Variants in EIF3J observed in about 807,000 individuals in gnomAD.
EIF3J encodes eukaryotic translation initiation factor 3, subunit 1 (alpha, 35kD).
In EIF3J, 15 loss-of-function variants were observed where a neutral mutation model predicts 39.0. The observed-to-expected ratio is 0.38, with a 90% CI of 0.26 to 0.59. The LOEUF is 0.59. EIF3J is among the 20% of genes least tolerant of loss of function. The pLI is 0.60. For missense variants in EIF3J, 226 were observed against 308.6 expected (o/e 0.73, Z 2.00); for synonymous variants, 98 against 112.9 (o/e 0.87, Z 0.84).
intron 2 of EIF3J, among the ~76,000 whole-genome samples, chr15:44,549,181 G>T (rs1395035859): frequency 6.6e-6 from 1 of 150,608 alleles, no homozygotes; most frequent in Non-Finnish European, 1.5e-5. Context: ...ATCACCTGAG[G>T]TTGGGAGTTC....
chr15:44,554,695 G>GTAA, intron 5 of EIF3J, 28 bp downstream of exon 5: 1 of 1,458,224 alleles, frequency 6.9e-7, no homozygotes, highest in South Asian at 1.2e-5. Flanking sequence ...TTGCAATACA[G>GTAA]TATTAAACTG....
chr15:44,541,456 T>G (rs550298717), intron 2 of EIF3J, among the ~76,000 whole-genome samples: 36 of 152,318 alleles, frequency 2.4e-4, no homozygotes, highest in Admixed American at 2.2e-3. Flanking sequence ...GGCAAGAGGA[T>G]TGCGTGAGCC....
chr15:44,556,737 C>G (rs1323323379), intron 5 of EIF3J, among the ~76,000 whole-genome samples: 2 of 152,110 alleles, frequency 1.3e-5, no homozygotes, highest in African/African-American at 2.4e-5. Context: ...CTCTCGGACT[C>G]CTGACCTCAG....
Position 44,554,596 on chromosome 15 carries a change from A to G in EIF3J, c.338A>G (p.Gln113Arg), listed in dbSNP as rs754775504. The G allele has an allele frequency of 8.1e-6, 13 of 1,612,824 alleles. 1 individual carries two copies. The East Asian group carries it at 2.9e-4, about 36-fold the overall frequency. ...EEPKVLTPEE[Q>R]LADKLRLKKL... ...CCTAAAGTGCTAACACCAGAAGAAC[A>G]ATTAGCAGATAAACTGCGGCTAAAG... The change falls in exon 5 of 8, where the codon CAA becomes CGA. Residue 113 changes from glutamine (Q) to arginine (R), a missense_variant. Coordinates refer to ENST00000261868, the MANE Select transcript of EIF3J (RefSeq NM_003758.4).
At chr15:44,551,188 A>G (rs1226150113) in intron 3 of EIF3J, among the ~76,000 whole-genome samples, 3 of 152,208 alleles carry the variant, frequency 2.0e-5, no homozygotes, top group Non-Finnish European at 4.4e-5. Context: ...CATTAATTAT[A>G]GTTGAATGAT....
intron 2 of EIF3J, among the ~76,000 whole-genome samples, chr15:44,546,814 A>ATTTTTT (rs1245274310): frequency 8.5e-6 from 1 of 117,322 alleles, no homozygotes; most frequent in African/African-American, 3.5e-5. Flanking sequence ...CAGAGTATAG[A>ATTTTTT]TCTTTTTTTT....
In EIF3J at chr15:44,539,590, C is replaced by T. The variant is rs183203190; in HGVS notation, c.147+2163C>T. On this transcript the variant is annotated intron_variant, in intron 2 of 7. Coordinates refer to ENST00000261868, the MANE Select transcript of EIF3J (RefSeq NM_003758.4). Reference sequence around the variant, plus strand: ...TAATTTTTTCTATTTTTAGTAGAGACGGGGTTTCACCGTGTTAGCCAGGAT... The same window carrying T: ...TAATTTTTTCTATTTTTAGTAGAGATGGGGTTTCACCGTGTTAGCCAGGAT... 8.9e-3 allele frequency among the ~76,000 whole-genome samples: 1,353 copies of T among 151,728 alleles called. 16 individuals carry two copies. The highest frequency in any genetic ancestry group is 0.031 in the African/African-American group (1,295 of 41,364).
At position 44,562,005 on chromosome 15, in the gene EIF3J, G is replaced by C. The variant is rs2082202669; in HGVS notation, c.*856G>C. The C allele has an allele frequency of 6.6e-6, 1 of 152,438 alleles. No homozygotes were observed. Among genetic ancestry groups the C allele is most frequent in the Non-Finnish European group, 1.5e-5 (1 of 68,016 alleles). The allele number at this position is 152,438 out of a possible 1,614,324, so 9.4% of individuals were successfully genotyped here. ...AACTGCACCAGTTAACTACAGTTTG[G>C]TAAATTGTTATGTTAACAATTATGA... On this transcript the variant is annotated 3_prime_UTR_variant, in exon 8 of 8. Coordinates refer to ENST00000261868, the MANE Select transcript of EIF3J (RefSeq NM_003758.4).
intron 2 of EIF3J, among the ~76,000 whole-genome samples, chr15:44,543,541 G>C (rs529761283): frequency 2.6e-5 from 4 of 151,852 alleles, no homozygotes; most frequent in Non-Finnish European, 5.9e-5. Flanking sequence ...AGCCTCCCAA[G>C]TAGCTGGGAC....
rs34342327 is a variant in EIF3J, at chr15:44,554,564, C to T, written c.306C>T (p.Pro102=). ...TTGTCTCATTTTAGTTAGAAGAACCCGAAGAACCTAAAGTGCTAACACCAG... is the reference window on the plus strand; with the variant it reads ...TTGTCTCATTTTAGTTAGAAGAACCTGAAGAACCTAAAGTGCTAACACCAG... ...QEEIKKRLEE[P]EEPKVLTPEE... The change falls in exon 5 of 8, where the codon CCC becomes CCT. Residue 102 remains proline, a synonymous_variant. Coordinates refer to ENST00000261868, the MANE Select transcript of EIF3J (RefSeq NM_003758.4). 2.0e-4 allele frequency: 325 copies of T among 1,607,156 alleles called. 1 individual carries two copies. The African/African-American group carries it at 2.5e-3, about 13-fold the overall frequency.
rs144669716 is a variant in EIF3J, at chr15:44,541,079, A to G, written c.147+3652A>G. 7.0e-4 allele frequency among the ~76,000 whole-genome samples: 106 copies of G among 152,320 alleles called. 1 individual carries two copies. Among genetic ancestry groups the G allele is most frequent in the Admixed American group, 2.7e-3 (42 of 15,292 alleles). ...GAAAAGACTATGCTTTTCCCCAGTTAAAAAGATGAGAACTCGGGAGCATAG... is the reference window on the plus strand; with the variant it reads ...GAAAAGACTATGCTTTTCCCCAGTTGAAAAGATGAGAACTCGGGAGCATAG... On this transcript the variant is annotated intron_variant, in intron 2 of 7. Transcript: ENST00000261868.
At chr15:44,540,261 ATATATATTTT>A (rs1223259739) in intron 2 of EIF3J, among the ~76,000 whole-genome samples, 32 of 57,824 alleles carry the variant, frequency 5.5e-4, no homozygotes, top group Admixed American at 8.7e-4. Context: ...ATATATATAT[ATATATATTTT>A]TTTTTTTTTT....
intron 5 of EIF3J, 78 bp from the exon 6 acceptor site, chr15:44,557,411 T>C (rs2082154170): frequency 1.8e-6 from 2 of 1,101,686 alleles, no homozygotes. Flanking sequence ...GTTATTCAGA[T>C]AGCTATTGGC....
rs555418606 is a variant in EIF3J, at chr15:44,539,740, T to C, written c.147+2313T>C. Among the ~76,000 whole-genome samples the C allele has an allele frequency of 5.3e-5, 8 of 150,642 alleles. No homozygotes were observed. In the South Asian group the frequency reaches 1.2e-3, roughly 24 times the overall value. ...GTGCTAAATTTCTTTTTCTTTTTTT[T>C]TTTTTTTTTTAACTTAAAGCAATCT... is the stretch of plus-strand genomic sequence containing the variant. On this transcript the variant is annotated intron_variant, in intron 2 of 7. Coordinates refer to ENST00000261868, the MANE Select transcript of EIF3J (RefSeq NM_003758.4).
intron 2 of EIF3J, 66 bp downstream of exon 2, chr15:44,537,493 G>A (rs2081969161): frequency 3.5e-6 from 5 of 1,417,040 alleles, no homozygotes; most frequent in Middle Eastern, 2.6e-4. Context: ...CCGACTCTGG[G>A]CCCCGGGTCG....
At chr15:44,546,416 T>C (rs114433175) in intron 2 of EIF3J, among the ~76,000 whole-genome samples, 1,831 of 152,298 alleles carry the variant, frequency 0.012, 45 homozygotes, top group African/African-American at 0.042. Flanking sequence ...TTTACTGGAC[T>C]TAGAGATTTT....
Position 44,537,325 on chromosome 15 carries a change from C to T in EIF3J, c.45C>T (p.Asp15=). 1 of 1,562,322 alleles carries T rather than the reference C, an allele frequency of 6.4e-7. No individual in the cohort carries two copies. Residue 15 remains aspartate, a splice_region_variant and synonymous_variant, in exon 2 of 8, where the codon GAC becomes GAT. Coordinates refer to ENST00000261868, the MANE Select transcript of EIF3J (RefSeq NM_003758.4). ...AAAAGDSDSW[D]ADAFSVEDPV... ...AACACGGCTCGCTTTCTTCCGTAGA[C>T]GCCGACGCTTTCTCCGTGGAAGACC...
chr15:44,546,696 T>C (rs950764753), intron 2 of EIF3J, among the ~76,000 whole-genome samples: 8 of 152,154 alleles, frequency 5.3e-5, no homozygotes, highest in Admixed American at 2.0e-4. Flanking sequence ...TAGGGCTGTG[T>C]CTGTCCCTAT....
Position 44,550,634 on chromosome 15 carries a change from A to G in EIF3J, c.148-242A>G, listed in dbSNP as rs77870011. ...AATGCGCAGAGCCTCTAATAGGGAA[A>G]TCACTTTAAAACACTTCTGAAAGGT... On this transcript the variant is annotated intron_variant, in intron 2 of 7. Coordinates refer to ENST00000261868, the MANE Select transcript of EIF3J (RefSeq NM_003758.4). 1,362 of 324,824 alleles carry G rather than the reference A, an allele frequency of 4.2e-3. 19 individuals are homozygous for G. Among genetic ancestry groups the G allele is most frequent in the African/African-American group, 0.023 (1,076 of 46,890 alleles). The allele number at this position is 324,824 out of a possible 1,614,324, so 20.1% of individuals were successfully genotyped here.
Sources: allele counts gnomAD v4.1 joint callset (sites outside exome capture counted in the v4.1 genomes callset), GRCh38; gene constraint gnomAD v4.1.1; transcripts MANE v1.5; gene names NCBI Gene and HGNC (gene_info 2026-07-23, HGNC 2026-07-21).